CHN2: variants seen among roughly 807,000 people sequenced by gnomAD.
CHN2 encodes chimerin 2, also known as beta-chimaerin.
In CHN2, 35 loss-of-function variants were observed where a neutral mutation model predicts 56.3. That is an observed-to-expected ratio of 0.62 (90% CI 0.47 to 0.82). The LOEUF is 0.82. CHN2 is among the 40% of genes least tolerant of loss of function. CHN2 has a pLI of 0.00. For synonymous variants in CHN2, 210 were observed against 212.8 expected (o/e 0.99, Z 0.12); for missense variants, 491 against 580.5 (o/e 0.85, Z 1.58).
At chr7:29,394,923 AG>A (rs1484347899) in intron 4 of CHN2, among the ~76,000 whole-genome samples, 3 of 152,232 alleles carry the variant, frequency 2.0e-5, no homozygotes, top group African/African-American at 7.2e-5. Context: ...TTGAGACTAA[AG>A]AAGTGTTTTC....
chr7:29,507,167 C>CTTTT, intron 10 of CHN2, 61 bp from the exon 11 acceptor site: 5 of 1,208,750 alleles, frequency 4.1e-6, no homozygotes, highest in Admixed American at 2.8e-5. Context: ...TTTTTCCTTT[C>CTTTT]TGTACATGCC....
intron 1 of CHN2, among the ~76,000 whole-genome samples, chr7:29,230,561 G>A (rs760238243): frequency 1.3e-5 from 2 of 152,118 alleles, no homozygotes; most frequent in Non-Finnish European, 1.5e-5. Flanking sequence ...GGCTGGTCTC[G>A]AACTCTTGTC....
intron 1 of CHN2, among the ~76,000 whole-genome samples, chr7:29,343,598 C>T (rs1478047134): frequency 6.6e-6 from 1 of 152,156 alleles, no homozygotes; most frequent in Non-Finnish European, 1.5e-5. Context: ...CAGCTGCTGC[C>T]TCTGTTAACC....
chr7:29,451,593 C>T (rs887746427), intron 6 of CHN2, among the ~76,000 whole-genome samples: 3 of 151,888 alleles, frequency 2.0e-5, no homozygotes, highest in African/African-American at 7.3e-5. Context: ...CAATATATTA[C>T]GTTTTAAAAT....
chr7:29,358,200 A>T (rs1798455423), intron 2 of CHN2, among the ~76,000 whole-genome samples: 1 of 152,160 alleles, frequency 6.6e-6, no homozygotes, highest in African/African-American at 2.4e-5. Context: ...GATTCTTGTT[A>T]TGAAGCACTA....
At chr7:29,200,446 C>T (rs113322661) in intron 1 of CHN2, among the ~76,000 whole-genome samples, 2 of 142,836 alleles carry the variant, frequency 1.4e-5, no homozygotes, top group Non-Finnish European at 3.1e-5. Context: ...CCTTCCTTCC[C>T]TCCCTTCGCC....
At chr7:29,258,992 G>A (rs946034380) in intron 1 of CHN2, among the ~76,000 whole-genome samples, 2 of 151,166 alleles carry the variant, frequency 1.3e-5, no homozygotes, top group South Asian at 2.1e-4. Context: ...TATAGACTGT[G>A]GTGTAGCACA....
At chr7:29,508,722 C>T (rs1057293573) in intron 11 of CHN2, among the ~76,000 whole-genome samples, 2 of 152,172 alleles carry the variant, frequency 1.3e-5, no homozygotes, top group African/African-American at 2.4e-5. Flanking sequence ...CTCTTCCTCC[C>T]ATTGTTAATG....
chr7:29,225,023 T>A lies in CHN2; in HGVS notation c.49+30033T>A, dbSNP rs146304616. Among the ~76,000 whole-genome samples the A allele has an allele frequency of 7.1e-3, 1,089 of 152,318 alleles. 18 individuals carry two copies. The highest frequency in any genetic ancestry group is 0.025 in the African/African-American group (1,037 of 41,574). On this transcript the variant is annotated intron_variant, in intron 1 of 12. Transcript: ENST00000222792. ...AGTAATTTAAAATGACTGTTCCCTG[T>A]GTTGGCAATTTGTAGCCTGCCTGAG...
At chr7:29,492,228 T>C (rs1284187376) in intron 7 of CHN2, among the ~76,000 whole-genome samples, 1 of 152,224 alleles carries the variant, frequency 6.6e-6, no homozygotes, top group Non-Finnish European at 1.5e-5. Context: ...AAGAAAACTC[T>C]ATTTTTACCT....
At chr7:29,486,678 G>A (rs1393649269) in intron 7 of CHN2, among the ~76,000 whole-genome samples, 3 of 152,096 alleles carry the variant, frequency 2.0e-5, no homozygotes, top group Non-Finnish European at 4.4e-5. Context: ...GACTGAGGAT[G>A]CACCAGGAGC....
Position 29,442,602 on chromosome 7 carries a change from C to T in CHN2, c.577-37677C>T, listed in dbSNP as rs75290542. Among the ~76,000 whole-genome samples the T allele has an allele frequency of 3.3e-3, 506 of 152,274 alleles. 3 individuals carry two copies. Among genetic ancestry groups the T allele is most frequent in the African/African-American group, 0.011 (460 of 41,548 alleles). ...GGTATTTACCTCTAATTCCCAATAC[C>T]CACAGCCAGGTTTCAGTGTGCACAC... On this transcript the variant is annotated intron_variant, in intron 6 of 12. Coordinates refer to ENST00000222792, the MANE Select transcript of CHN2 (RefSeq NM_004067.4).
chr7:29,204,013 C>G (rs1042806628), intron 1 of CHN2, among the ~76,000 whole-genome samples: 7 of 151,502 alleles, frequency 4.6e-5, no homozygotes, highest in Middle Eastern at 3.4e-3. Context: ...GCCTGCAATG[C>G]TATGAAGTTG....
chr7:29,157,330 C>T (rs754098517), intron 2 of CHN2, among the ~76,000 whole-genome samples: 1 of 152,018 alleles, frequency 6.6e-6, no homozygotes, highest in Non-Finnish European at 1.5e-5. Context: ...CAATCCTTCT[C>T]CACTCAATGC....
chr7:29,347,513 GGA>G (rs890121098), intron 1 of CHN2, among the ~76,000 whole-genome samples: 1 of 151,950 alleles, frequency 6.6e-6, no homozygotes, highest in African/African-American at 2.4e-5. Context: ...AGGTGGCAAG[GGA>G]GAGAGAGAGC....
At chr7:29,447,780 T>A (rs185665062) in intron 6 of CHN2, among the ~76,000 whole-genome samples, 5 of 152,296 alleles carry the variant, frequency 3.3e-5, no homozygotes, top group Admixed American at 3.3e-4. Flanking sequence ...GAGTGACAAG[T>A]GAAAACATTT....
Position 29,355,772 on chromosome 7 carries a change from A to ATTTT in CHN2, c.88+1135_88+1138dup, listed in dbSNP as rs1167339692. On this transcript the variant is annotated intron_variant, in intron 2 of 12. Transcript: ENST00000222792. Reference sequence around the variant, plus strand: ...TACCACAACTCTCACAGATGGGACTATTTTTTTTTTTTTTTTTTTTTTTTT... The same window carrying ATTTT: ...TACCACAACTCTCACAGATGGGACTATTTTTTTTTTTTTTTTTTTTTTTTTTTTT... 1.5e-3 allele frequency among the ~76,000 whole-genome samples: 79 copies of ATTTT among 52,384 alleles called. 14 individuals carry two copies. Among genetic ancestry groups the ATTTT allele is most frequent in the African/African-American group, 4.5e-3 (60 of 13,288 alleles). 34.4% of individuals were successfully genotyped at this position (52,384 alleles called of 152,430 possible).
intron 9 of CHN2, among the ~76,000 whole-genome samples, chr7:29,501,480 A>C (rs1179959407): frequency 1.3e-5 from 2 of 152,194 alleles, no homozygotes; most frequent in East Asian, 1.9e-4. Context: ...TTTCTGAAGA[A>C]GCTGGGGTCC....
chr7:29,153,071 T>C (rs1013671947), intron 2 of CHN2, among the ~76,000 whole-genome samples: 3 of 152,236 alleles, frequency 2.0e-5, no homozygotes, highest in African/African-American at 7.2e-5. Context: ...CACCATGTTG[T>C]AGCACAGAAC....
Sources: gnomAD v4.1 joint callset for allele counts (sites outside exome capture counted in the v4.1 genomes callset) on GRCh38, gnomAD v4.1.1 for gene constraint, MANE v1.5 for transcripts, NCBI Gene and HGNC (gene_info 2026-07-23, HGNC 2026-07-21) for gene names.